MYO18B: variants seen among roughly 807,000 people sequenced by gnomAD.
MYO18B encodes the protein myosin XVIIIB.
In MYO18B, 204 loss-of-function variants were observed where a neutral mutation model predicts 273.0. That is an observed-to-expected ratio of 0.75 (90% confidence interval 0.67 to 0.84). The LOEUF is 0.84. Among genes scored for constraint, MYO18B ranks in the 40% least tolerant of loss-of-function variants. The pLI is 0.00. For missense variants in MYO18B, 3,212 were observed against 3,287.6 expected (o/e 0.98, Z 0.56); for synonymous variants, 1,330 against 1,305.7 (o/e 1.02, Z -0.40).
intron 34 of MYO18B, among the ~76,000 whole-genome samples, chr22:25,931,793 C>T (rs2092506918): frequency 6.6e-6 from 1 of 151,404 alleles, no homozygotes; most frequent in Non-Finnish European, 1.5e-5. Flanking sequence ...AGCAATCCTC[C>T]CACCTCAGCC....
At chr22:25,878,979 A>G (rs946244018) in intron 25 of MYO18B, among the ~76,000 whole-genome samples, 4 of 152,230 alleles carry the variant, frequency 2.6e-5, no homozygotes, top group Non-Finnish European at 5.9e-5. Context: ...AGGAAAGTAA[A>G]CATTCAAATG....
intron 33 of MYO18B, among the ~76,000 whole-genome samples, chr22:25,918,036 A>C (rs2092288874): frequency 6.6e-6 from 1 of 152,224 alleles, no homozygotes; most frequent in Non-Finnish European, 1.5e-5. Context: ...ATTCTAAATG[A>C]GGTCTATATT....
rs778620787 is a variant in MYO18B at position 25,846,249 on chromosome 22, G to A, written c.3518G>A (p.Arg1173Lys). Residue 1173 changes from arginine (R) to lysine (K), a missense_variant, in exon 19 of 44, where the codon AGG (arginine) becomes AAG (lysine). Arg to Lys is a conservative substitution (Grantham distance 26). Transcript: ENST00000335473. Reference protein sequence around the residue: ...TFASSLAAVRRKAPCSQIKLQ... With the variant: ...TFASSLAAVRKKAPCSQIKLQ... ...GCCAGCAGCCTTGCCGCGGTGAGGA[G>A]GAAAGCCCCGTGCTCCCAGATCAAG... The A allele has an allele frequency of 1.4e-5, 23 of 1,612,190 alleles. No individual in the cohort carries two copies. The East Asian group carries it at 5.1e-4, about 36-fold the overall frequency.
At chr22:25,743,574 C>G (rs2085691452) in intron 1 of MYO18B, among the ~76,000 whole-genome samples, 1 of 150,914 alleles carries the variant, frequency 6.6e-6, no homozygotes, top group Admixed American at 6.6e-5. Flanking sequence ...AAGGAAAAGG[C>G]CAAAAGAAAA....
chr22:25,785,417 T>G lies in MYO18B; in HGVS notation c.2313-11T>G, dbSNP rs1482920381. ...AGCCCCCCTGACTCCTGGTTCCTTC[T>G]GTGCTTCCAGGACGGAGCTGAACCT... is the stretch of plus-strand genomic sequence containing the variant. On this transcript the variant is annotated splice_polypyrimidine_tract_variant and intron_variant, in intron 10 of 43. Coordinates refer to ENST00000335473, the MANE Select transcript of MYO18B (RefSeq NM_032608.7). 1.9e-6 allele frequency: 3 copies of G among 1,603,684 alleles called. No homozygotes were observed. Among genetic ancestry groups the G allele is most frequent in the Admixed American group, 3.4e-5 (2 of 58,528 alleles).
At position 25,777,580 on chromosome 22, in the gene MYO18B, C is replaced by G. The variant is rs1449082461; in HGVS notation, c.1870-3C>G. 6.3e-7 allele frequency: 1 copy of G among 1,581,882 alleles called. No individual in the cohort carries two copies. Among genetic ancestry groups the G allele is most frequent in the African/African-American group, 1.3e-5 (1 of 74,268 alleles). ...ATGGCTGATACCTGTGATCTTCCTG[C>G]AGGTGCCCAAGGGCCGCCGGGATGG... On this transcript the variant is annotated splice_polypyrimidine_tract_variant and splice_region_variant and intron_variant, in intron 7 of 43. Coordinates refer to ENST00000335473, the MANE Select transcript of MYO18B (RefSeq NM_032608.7).
At chr22:25,949,467 C>T (rs1472626822) in intron 36 of MYO18B, among the ~76,000 whole-genome samples, 2 of 152,136 alleles carry the variant, frequency 1.3e-5, no homozygotes, top group Non-Finnish European at 2.9e-5. Flanking sequence ...AGCAGATCTC[C>T]ACATAATGAC....
intron 11 of MYO18B, among the ~76,000 whole-genome samples, chr22:25,793,196 T>C (rs563854372): frequency 2.0e-5 from 3 of 152,304 alleles, no homozygotes; most frequent in South Asian, 2.1e-4. Flanking sequence ...TTAGTCCTCA[T>C]AGCAGCCCTG....
At chr22:25,832,465 A>G (rs2089743594) in intron 15 of MYO18B, among the ~76,000 whole-genome samples, 1 of 152,202 alleles carries the variant, frequency 6.6e-6, no homozygotes, top group Admixed American at 6.5e-5. Flanking sequence ...ATTCTGATAA[A>G]ATGGTACATG....
chr22:25,959,514 C>T (rs1379740524), intron 39 of MYO18B, among the ~76,000 whole-genome samples: 2 of 152,084 alleles, frequency 1.3e-5, no homozygotes, highest in African/African-American at 2.4e-5. Context: ...GGCCTCAAGC[C>T]ATCCTCCAGC....
Position 25,769,113 on chromosome 22 carries a change from G to C in MYO18B, c.1197G>C (p.Gln399His). ...AGAAGGAAAAGATGGGGCAACCCCA[G>C]GGTAAGTCCGGGAACGCAGGTGAAG... Reference protein sequence around the residue: ...WDKKEKMGQPQGKSGNAGEAR... With the variant: ...WDKKEKMGQPHGKSGNAGEAR... The change falls in exon 4 of 44, where the codon CAG (glutamine) becomes CAC (histidine). Residue 399 changes from glutamine (Q) to histidine (H), a missense_variant. By Grantham distance (24) the Gln-to-His change is conservative. Transcript: ENST00000335473. 6.2e-7 allele frequency: 1 copy of C among 1,613,588 alleles called. No individual in the cohort carries two copies.
chr22:25,884,228 C>T (rs1406020771), intron 25 of MYO18B, among the ~76,000 whole-genome samples: 3 of 152,168 alleles, frequency 2.0e-5, no homozygotes, highest in African/African-American at 7.2e-5. Flanking sequence ...GATCATGGGT[C>T]ATGAGTGTGG....
At chr22:25,943,313 G>A (rs1017178232) in intron 34 of MYO18B, among the ~76,000 whole-genome samples, 4 of 152,086 alleles carry the variant, frequency 2.6e-5, no homozygotes, top group African/African-American at 7.2e-5. Context: ...CTTCCACCCC[G>A]GCTGGAGCAC....
chr22:25,799,424 G>A (rs1415236050), intron 12 of MYO18B, among the ~76,000 whole-genome samples: 1 of 152,162 alleles, frequency 6.6e-6, no homozygotes, highest in Admixed American at 6.5e-5. Context: ...TGAAGAGCAA[G>A]GGTTTCTGCC....
chr22:25,869,286 C>T (rs2090978874), intron 22 of MYO18B, among the ~76,000 whole-genome samples: 1 of 151,846 alleles, frequency 6.6e-6, no homozygotes. Context: ...CCCATCTCTA[C>T]AAAAAATTTA....
At chr22:26,010,678 C>CA (rs536212230) in intron 42 of MYO18B, among the ~76,000 whole-genome samples, 6 of 152,166 alleles carry the variant, frequency 3.9e-5, no homozygotes, top group Non-Finnish European at 8.8e-5. Flanking sequence ...CTCTGTCCTT[C>CA]ATCCCAGAGC....
At chr22:25,822,138 G>A (rs527403080) in intron 12 of MYO18B, among the ~76,000 whole-genome samples, 173 of 152,210 alleles carry the variant, frequency 1.1e-3, no homozygotes, top group Non-Finnish European at 1.7e-3. Flanking sequence ...TCCCCACCCC[G>A]TTACATTCCA....
intron 42 of MYO18B, among the ~76,000 whole-genome samples, chr22:26,017,734 T>TG (rs1254625525): frequency 6.6e-6 from 1 of 152,206 alleles, no homozygotes; most frequent in Non-Finnish European, 1.5e-5. Context: ...TATTAAAGAA[T>TG]GATACTCATT....
chr22:25,836,209 A>G (rs765898879), intron 17 of MYO18B, among the ~76,000 whole-genome samples: 6 of 152,210 alleles, frequency 3.9e-5, no homozygotes, highest in Non-Finnish European at 8.8e-5. Flanking sequence ...GTTGAAGTCC[A>G]GTTATTTCTG....
Sources: allele counts gnomAD v4.1 joint callset (sites outside exome capture counted in the v4.1 genomes callset), GRCh38; gene constraint gnomAD v4.1.1; transcripts MANE v1.5; gene names NCBI Gene and HGNC (gene_info 2026-07-23, HGNC 2026-07-21).